Variants in TMTC2 observed in about 807,000 individuals in gnomAD.
The protein encoded by TMTC2 is protein O-mannosyl-transferase TMTC2.
A neutral mutation model predicts 82.4 loss-of-function variants in TMTC2; 43 were observed. That is an observed-to-expected ratio of 0.52 (90% CI 0.41 to 0.67). The LOEUF (loss-of-function observed/expected upper bound fraction) is 0.67. Ranked by LOEUF, TMTC2 falls within the 30% of genes least tolerant of loss-of-function variation. The pLI, the probability that TMTC2 is intolerant of heterozygous loss-of-function variation, is 0.00. For synonymous variants in TMTC2, 408 were observed against 381.9 expected (o/e 1.07, Z -0.80); for missense variants, 919 against 1,012.4 (o/e 0.91, Z 1.25).
At chr12:82,843,024 G>C (rs1255453025) in intron 1 of TMTC2, among the ~76,000 whole-genome samples, 1 of 152,198 alleles carries the variant, frequency 6.6e-6, no homozygotes, top group Non-Finnish European at 1.5e-5. Flanking sequence ...AACAGGGAGA[G>C]CAGTAGACAA....
intron 11 of TMTC2, among the ~76,000 whole-genome samples, chr12:83,097,782 C>T (rs559304041): frequency 1.3e-5 from 2 of 152,298 alleles, no homozygotes; most frequent in East Asian, 3.9e-4. Flanking sequence ...GGAAAAGATT[C>T]AGCCATGCAA....
At chr12:82,932,082 T>A (rs1163862358) in intron 4 of TMTC2, among the ~76,000 whole-genome samples, 1 of 152,170 alleles carries the variant, frequency 6.6e-6, no homozygotes. Context: ...ACTTTTAAAA[T>A]GTGTATTTAT....
intron 11 of TMTC2, among the ~76,000 whole-genome samples, chr12:83,109,028 CT>C (rs1384238825): frequency 6.6e-6 from 1 of 152,190 alleles, no homozygotes; most frequent in East Asian, 1.9e-4. Context: ...CTCAGATAAT[CT>C]CTCATTCCCC....
chr12:82,961,023 A>T (rs1316460775), intron 4 of TMTC2, among the ~76,000 whole-genome samples: 1 of 151,736 alleles, frequency 6.6e-6, no homozygotes, highest in East Asian at 1.9e-4. Context: ...GCACCTTCTT[A>T]CCTGTTGTTT....
At chr12:83,009,497 C>T (rs1880357723) in intron 8 of TMTC2, among the ~76,000 whole-genome samples, 1 of 152,176 alleles carries the variant, frequency 6.6e-6, no homozygotes, top group South Asian at 2.1e-4. Flanking sequence ...TCTCCTTTCT[C>T]TCCACATTGT....
intron 1 of TMTC2, among the ~76,000 whole-genome samples, chr12:82,809,559 G>A (rs1053448450): frequency 6.6e-6 from 1 of 152,086 alleles, no homozygotes; most frequent in African/African-American, 2.4e-5. Context: ...CAGTATATAA[G>A]TATGTCTACA....
At chr12:82,723,119 G>A (rs895945631) in intron 1 of TMTC2, among the ~76,000 whole-genome samples, 18 of 152,196 alleles carry the variant, frequency 1.2e-4, no homozygotes, top group African/African-American at 4.1e-4. Context: ...TTAGGATTCA[G>A]TTGATCATCA....
chr12:83,085,300 T>TA (rs1883614289), intron 11 of TMTC2, among the ~76,000 whole-genome samples: 1 of 152,208 alleles, frequency 6.6e-6, no homozygotes, highest in Non-Finnish European at 1.5e-5. Context: ...AGATAAGACT[T>TA]ACCAAGCATT....
intron 3 of TMTC2, among the ~76,000 whole-genome samples, chr12:82,913,504 A>G (rs1874818618): frequency 6.6e-6 from 1 of 152,184 alleles, no homozygotes; most frequent in African/African-American, 2.4e-5. Context: ...TCATCCTGAC[A>G]TGTCAATAAT....
At chr12:82,694,262 A>G (rs1322023311) in intron 1 of TMTC2, among the ~76,000 whole-genome samples, 1 of 150,592 alleles carries the variant, frequency 6.6e-6, no homozygotes. Context: ...AATTATTTTA[A>G]AGATGAGATA....
intron 2 of TMTC2, among the ~76,000 whole-genome samples, chr12:82,881,208 C>A (rs1796182): frequency 0.12 from 18,357 of 152,150 alleles, 3,308 homozygotes; most frequent in African/African-American, 0.39. Context: ...TCTGTTTTAA[C>A]TGATTTGAAG....
intron 11 of TMTC2, among the ~76,000 whole-genome samples, chr12:83,107,934 G>A (rs1437512837): frequency 6.6e-6 from 1 of 151,404 alleles, no homozygotes; most frequent in African/African-American, 2.4e-5. Flanking sequence ...TGAATCAAGG[G>A]GATGGATTTC....
intron 3 of TMTC2, among the ~76,000 whole-genome samples, chr12:82,906,424 G>T (rs1231397051): frequency 6.6e-6 from 1 of 152,114 alleles, no homozygotes; most frequent in Non-Finnish European, 1.5e-5. Context: ...CAGCACTTTG[G>T]GAGGCCAAGG....
intron 3 of TMTC2, among the ~76,000 whole-genome samples, chr12:82,924,782 G>A (rs924504121): frequency 5.3e-5 from 8 of 152,100 alleles, no homozygotes; most frequent in Admixed American, 2.0e-4. Context: ...CCTTTAGTTC[G>A]CTTGCAGTGA....
intron 11 of TMTC2, among the ~76,000 whole-genome samples, chr12:83,098,649 A>G (rs2137530134): frequency 6.6e-6 from 1 of 152,320 alleles, no homozygotes; most frequent in South Asian, 2.1e-4. Flanking sequence ...TTCTAACACA[A>G]GTTTTATCGG....
intron 4 of TMTC2, among the ~76,000 whole-genome samples, chr12:82,964,438 T>C (rs1490017627): frequency 6.6e-6 from 1 of 152,116 alleles, no homozygotes; most frequent in Non-Finnish European, 1.5e-5. Flanking sequence ...CGAAATCCAG[T>C]CTTATTCAAC....
At chr12:82,940,237 G>A (rs1418019695) in intron 4 of TMTC2, among the ~76,000 whole-genome samples, 5 of 151,562 alleles carry the variant, frequency 3.3e-5, no homozygotes, top group Non-Finnish European at 5.9e-5. Flanking sequence ...GGTTGGTCTC[G>A]AACTCCGGAC....
At chr12:82,771,044 T>G (rs1011940509) in intron 1 of TMTC2, among the ~76,000 whole-genome samples, 1 of 151,954 alleles carries the variant, frequency 6.6e-6, no homozygotes, top group Non-Finnish European at 1.5e-5. Flanking sequence ...CTGTCTCTAC[T>G]AAAAATACAA....
intron 4 of TMTC2, among the ~76,000 whole-genome samples, chr12:82,951,360 G>A (rs545880021): frequency 2.4e-4 from 36 of 151,924 alleles, no homozygotes; most frequent in African/African-American, 8.0e-4. Context: ...GCACAATCTC[G>A]GCTCACTGCA....
Sources: allele counts gnomAD v4.1 joint callset (sites outside exome capture counted in the v4.1 genomes callset), GRCh38; gene constraint gnomAD v4.1.1; transcripts MANE v1.5; gene names NCBI Gene and HGNC (gene_info 2026-07-23, HGNC 2026-07-21).